Variants in CALN1 observed in about 807,000 individuals in gnomAD.
CALN1 encodes the protein calneuron 1.
A neutral mutation model predicts 30.6 loss-of-function variants in CALN1; 17 were observed. That is an observed-to-expected ratio of 0.56 (90% confidence interval 0.38 to 0.83). The LOEUF (loss-of-function observed/expected upper bound fraction) is 0.83, where lower values mean the gene tolerates loss of function less well. Among genes scored for constraint, CALN1 ranks in the 40% least tolerant of loss-of-function variants. The pLI is 0.00. For missense variants in CALN1, 291 were observed against 354.9 expected, an observed-to-expected ratio of 0.82 and a Z score of 1.45; for synonymous variants, 156 against 131.4, an observed-to-expected ratio of 1.19 and a Z score of -1.28.
intron 3 of CALN1, among the ~76,000 whole-genome samples, chr7:72,193,411 A>G (rs1217144780): frequency 6.6e-6 from 1 of 152,166 alleles, no homozygotes; most frequent in African/African-American, 2.4e-5. Flanking sequence ...CTTGAAAATA[A>G]TAAAGAATTC....
At chr7:72,149,581 A>G (rs1787058696) in intron 3 of CALN1, among the ~76,000 whole-genome samples, 1 of 152,166 alleles carries the variant, frequency 6.6e-6, no homozygotes. Context: ...AACCCTGATT[A>G]GCTCACCTTT....
intron 5 of CALN1, among the ~76,000 whole-genome samples, chr7:71,971,953 A>AAGAAAGAAAGTAAG (rs1797838362): frequency 1.4e-5 from 1 of 72,838 alleles, no homozygotes; most frequent in Non-Finnish European, 2.2e-5. Flanking sequence ...AAAAAAAAAA[A>AAGAAAGAAAGTAAG]AAAGAAAGAA....
intron 5 of CALN1, among the ~76,000 whole-genome samples, chr7:71,912,943 T>G (rs758145142): frequency 1.3e-5 from 2 of 152,208 alleles, no homozygotes; most frequent in African/African-American, 2.4e-5. Context: ...GGGCTGTGAT[T>G]GAGCCAGAAT....
intron 2 of CALN1, among the ~76,000 whole-genome samples, chr7:72,335,888 G>A (rs1801992530): frequency 1.3e-5 from 2 of 152,208 alleles, no homozygotes; most frequent in African/African-American, 4.8e-5. Flanking sequence ...GGGTGGCCCA[G>A]AACTACCTGC....
rs201733873 is a variant in CALN1 at position 72,182,674 on chromosome 7, C to T, written c.245-76380G>A. Among the ~76,000 whole-genome samples the T allele has an allele frequency of 8.5e-4, 128 of 151,098 alleles. 2 individuals are homozygous for T. Among genetic ancestry groups the T allele is most frequent in the East Asian group, 2.5e-3 (13 of 5,114 alleles). On this transcript the variant is annotated intron_variant, in intron 3 of 6. Transcript: ENST00000395275. ...GGTGGAGGTTGCAGTGAGCCGAGATCGTGCCACTGCACTCCAGCCTGAATT... is the reference window on the plus strand; with the variant it reads ...GGTGGAGGTTGCAGTGAGCCGAGATTGTGCCACTGCACTCCAGCCTGAATT...
chr7:71,864,633 C>T (rs762033108), intron 5 of CALN1, among the ~76,000 whole-genome samples: 4 of 152,232 alleles, frequency 2.6e-5, no homozygotes, highest in South Asian at 2.1e-4. Flanking sequence ...TCCTGACCCA[C>T]GGAGACTGAG....
the CALN1 span, among the ~76,000 whole-genome samples, chr7:72,462,927 G>A: frequency 6.6e-6 from 1 of 152,058 alleles, no homozygotes; most frequent in Admixed American, 6.6e-5. Context: ...ACGTAGTTCT[G>A]CTCAAGTCCC....
At chr7:72,400,929 T>TCAA (rs912983288) in intron 2 of CALN1, among the ~76,000 whole-genome samples, 1 of 152,110 alleles carries the variant, frequency 6.6e-6, no homozygotes, top group Non-Finnish European at 1.5e-5. Flanking sequence ...ATGAGACACA[T>TCAA]CAAGGAGACT....
chr7:72,501,272 C>T, the CALN1 span, among the ~76,000 whole-genome samples: 1 of 144,240 alleles, frequency 6.9e-6, no homozygotes. Flanking sequence ...GTGGTTCAAG[C>T]TTGTAATCCT....
In CALN1 at chr7:72,345,864, C is replaced by T. The variant is rs1013294333; in HGVS notation, c.119+57387G>A. 8.6e-5 allele frequency among the ~76,000 whole-genome samples: 13 copies of T among 152,026 alleles called. 1 individual carries two copies. The highest frequency in any genetic ancestry group is 2.7e-4 in the African/African-American group (11 of 41,396). ...AAAGTTAAATCTCTCTGAGAGAGAA[C>T]AAATGTATAGCCACTATAATTTTTT... On this transcript the variant is annotated intron_variant, in intron 2 of 6. Transcript: ENST00000395275.
intron 5 of CALN1, among the ~76,000 whole-genome samples, chr7:71,999,697 G>A (rs1308189092): frequency 6.6e-6 from 1 of 151,970 alleles, no homozygotes; most frequent in Non-Finnish European, 1.5e-5. Flanking sequence ...TCTATTTTTA[G>A]TAGAGACAGG....
intron 2 of CALN1, among the ~76,000 whole-genome samples, chr7:72,346,021 A>G (rs1046847113): frequency 6.6e-6 from 1 of 152,220 alleles, no homozygotes; most frequent in Non-Finnish European, 1.5e-5. Context: ...GATTTATATA[A>G]AACAGACATT....
chr7:72,429,665 AACTCCCT>A (rs1366529041), intron 1 of CALN1, among the ~76,000 whole-genome samples: 14 of 150,558 alleles, frequency 9.3e-5, no homozygotes, highest in Admixed American at 8.0e-4. Context: ...TTCATGATTT[AACTCCCT>A]TAGAATATCT....
At chr7:72,416,106 C>G (rs1349245613), upstream of CALN1, among the ~76,000 whole-genome samples, 2 of 152,186 alleles carry the variant, frequency 1.3e-5, no homozygotes, top group Non-Finnish European at 2.9e-5. Context: ...GACTCCAGAC[C>G]AGACTGAAGA....
intron 4 of CALN1, among the ~76,000 whole-genome samples, chr7:72,083,100 C>T (rs774328004): frequency 2.0e-5 from 3 of 152,040 alleles, no homozygotes; most frequent in Non-Finnish European, 2.9e-5. Context: ...ACTCGGGAGA[C>T]TGAGGTGGGA....
At chr7:71,937,306 G>A (rs896437644) in intron 5 of CALN1, among the ~76,000 whole-genome samples, 4 of 151,320 alleles carry the variant, frequency 2.6e-5, no homozygotes, top group African/African-American at 7.3e-5. Context: ...GTGAAACTTT[G>A]TCTCAAAACA....
chr7:72,250,506 T>C (rs1283033330), intron 3 of CALN1, among the ~76,000 whole-genome samples: 1 of 152,178 alleles, frequency 6.6e-6, no homozygotes, highest in African/African-American at 2.4e-5. Flanking sequence ...TTGGGGGCCA[T>C]CTGACATATA....
chr7:72,135,924 G>A (rs1047509036), intron 3 of CALN1, among the ~76,000 whole-genome samples: 1 of 151,948 alleles, frequency 6.6e-6, no homozygotes, highest in Non-Finnish European at 1.5e-5. Context: ...CCTTATGTCA[G>A]GAGTTCAAGA....
chr7:71,855,072 TG>T (rs1790864713), intron 5 of CALN1, among the ~76,000 whole-genome samples: 1 of 152,196 alleles, frequency 6.6e-6, no homozygotes, highest in Non-Finnish European at 1.5e-5. Flanking sequence ...TCATACTAAC[TG>T]TGAACACAGC....
Sources: allele counts gnomAD v4.1 joint callset (sites outside exome capture counted in the v4.1 genomes callset), GRCh38; gene constraint gnomAD v4.1.1; transcripts MANE v1.5; gene names NCBI Gene and HGNC (gene_info 2026-07-23, HGNC 2026-07-21).